COL1A2: variants seen among roughly 807,000 people sequenced by gnomAD.
COL1A2 encodes collagen alpha-2(I) chain.
A neutral mutation model predicts 174.3 loss-of-function variants in COL1A2; 49 were observed. The ratio of observed to expected loss-of-function variants is 0.28; its 90% CI spans 0.22 to 0.36. The LOEUF is 0.36. Among genes scored for constraint, COL1A2 ranks in the 10% least tolerant of loss-of-function variants. The pLI, the probability that COL1A2 is intolerant of heterozygous loss-of-function variation, is 1.00. For missense variants in COL1A2, 1,438 were observed against 1,822.7 expected (o/e 0.79, Z 3.84); for synonymous variants, 655 against 606.6 (o/e 1.08, Z -1.17).
intron 2 of COL1A2, 72 bp from the exon 3 acceptor site, chr7:94,398,310 C>A (rs1442586477): frequency 3.9e-6 from 2 of 513,784 alleles, no homozygotes; most frequent in Non-Finnish European, 6.4e-6. Context: ...TATACTACAC[C>A]AAAATGGAAG....
intron 46 of COL1A2, 70 bp from the exon 47 acceptor site, chr7:94,426,938 G>T (rs1183291740): frequency 2.2e-6 from 3 of 1,363,532 alleles, no homozygotes; most frequent in East Asian, 5.2e-5. Flanking sequence ...CATTCAATTT[G>T]GAAAAAAAAA....
intron 30 of COL1A2, among the ~76,000 whole-genome samples, chr7:94,415,535 A>G (rs1792022504): frequency 6.6e-6 from 1 of 152,220 alleles, no homozygotes; most frequent in South Asian, 2.1e-4. Context: ...ATAGACAACT[A>G]TGCTACATTT....
chr7:94,405,133 A>G, intron 9 of COL1A2, 66 bp from the exon 10 acceptor site: 1 of 1,543,906 alleles, frequency 6.5e-7, no homozygotes, highest in South Asian at 1.1e-5. Flanking sequence ...GTAAAAACCA[A>G]GATTCCCCCA....
chr7:94,401,435 A>G (rs1303953384), intron 5 of COL1A2, 132 bp from the exon 6 acceptor site: 1 of 317,958 alleles, frequency 3.1e-6, no homozygotes, highest in Non-Finnish European at 5.2e-6. Context: ...ACTAATAATT[A>G]TATCAAAAAC....
intron 1 of COL1A2, chr7:94,395,344 C>T: frequency 1.8e-6 from 1 of 568,592 alleles, no homozygotes; most frequent in South Asian, 1.6e-5. Flanking sequence ...ACAGTTAACT[C>T]GGTCTGGCTC....
chr7:94,423,000 A>G lies in COL1A2; in HGVS notation c.2447A>G (p.Glu816Gly). ...GGTCCCCCTGGTCCTGCTGGGAAAG[A>G]AGGGCTTCGTGGTCCTCGTGGTGAC... ...PPGPPGPAGK[E>G]GLRGPRGDQG... Residue 816 changes from glutamate (E) to glycine (G), a missense_variant, in exon 40 of 52, where the codon GAA becomes GGA. By Grantham distance (98) the Glu-to-Gly change is moderately conservative. Coordinates refer to ENST00000297268, the MANE Select transcript of COL1A2 (RefSeq NM_000089.4). 1.2e-6 allele frequency: 2 copies of G among 1,614,104 alleles called. No homozygotes were observed. The highest frequency in any genetic ancestry group is 1.6e-4 in the Middle Eastern group (1 of 6,062).
At chr7:94,401,664 A>C (rs1372628651) in intron 6 of COL1A2, 44 bp downstream of exon 6, 1 of 1,433,826 alleles carries the variant, frequency 7.0e-7, no homozygotes, top group Non-Finnish European at 9.7e-7. Context: ...TGCTAAATAA[A>C]TCATTCATTT....
In COL1A2 at chr7:94,428,266, A is replaced by G. The variant is rs142450668; in HGVS notation, c.3527-27A>G. On this transcript the variant is annotated intron_variant, in intron 49 of 51. Transcript: ENST00000297268. The stretch of plus-strand genomic sequence containing the variant: ...TGTGTTCTGCTCAATGAGAAGTTTC[A>G]TGATCTGAATGTTATTTTCTTAAAA... 2.0e-4 allele frequency: 314 copies of G among 1,563,486 alleles called. 3 individuals carry two copies. In the African/African-American group the frequency reaches 3.6e-3, roughly 18 times the overall value.
At position 94,409,335 on chromosome 7, in the gene COL1A2, C is replaced by A. The variant is rs1791867811; in HGVS notation, c.806C>A (p.Ala269Asp). The change falls in exon 17 of 52, where the codon GCT (alanine) becomes GAT (aspartate). Residue 269 changes from alanine (A) to aspartate (D), a missense_variant. By Grantham distance (126) the Ala-to-Asp change is moderately radical. Around this residue, in one of 3 missense-constraint regions of COL1A2, gnomAD observed 867 missense variants for 1,213.7 expected, o/e 0.71. Coordinates refer to ENST00000297268, the MANE Select transcript of COL1A2 (RefSeq NM_000089.4). Reference sequence around the variant, plus strand: ...TTCCTCTTTTAGGGTGAAATTGGAGCTGTTGGTAACGCTGGTCCTGCTGGT... The same window carrying A: ...TTCCTCTTTTAGGGTGAAATTGGAGATGTTGGTAACGCTGGTCCTGCTGGT... ...GAPGPKGEIGAVGNAGPAGPA... is the reference protein window; with the variant it reads ...GAPGPKGEIGDVGNAGPAGPA... 6.2e-7 allele frequency: 1 copy of A among 1,613,962 alleles called. No individual in the cohort carries two copies. The highest frequency in any genetic ancestry group is 8.5e-7 in the Non-Finnish European group (1 of 1,179,984).
rs11380334 is a variant in COL1A2, at chr7:94,429,108, C to CTTTTTTTTTT, written c.3712-75_3712-66dup. Reference sequence around the variant, plus strand: ...TACTCTTCCTGAGATCTTTTTTTTTCTTTTTTTTTTTTTTCATGTTTGACT... The same window carrying CTTTTTTTTTT: ...TACTCTTCCTGAGATCTTTTTTTTTCTTTTTTTTTTTTTTTTTTTTTTTTCATGTTTGACT... On this transcript the variant is annotated intron_variant, in intron 50 of 51. Transcript: ENST00000297268. 2.4e-4 allele frequency: 196 copies of CTTTTTTTTTT among 816,738 alleles called. 1 individual carries two copies. The highest frequency in any genetic ancestry group is 6.7e-4 in the South Asian group (34 of 50,834). 50.6% of individuals were successfully genotyped at this position (816,738 alleles called of 1,614,324 possible).
At position 94,395,060 on chromosome 7, in the gene COL1A2, T is replaced by C. The variant is rs758795377; in HGVS notation, c.29T>C (p.Leu10Ser). Reference protein sequence around the residue: MLSFVDTRTLLLLAVTLCLA... With the variant: MLSFVDTRTSLLLAVTLCLA... ...CTCAGCTTTGTGGATACGCGGACTT[T>C]GTTGCTGCTTGCAGTAACCTTATGC... The change falls in exon 1 of 52, where the codon TTG becomes TCG. Residue 10 changes from leucine (L) to serine (S), a missense_variant. By Grantham distance (145) the Leu-to-Ser change is moderately radical (BLOSUM62 -2). Transcript: ENST00000297268. 6 of 1,614,124 alleles carry C rather than the reference T, an allele frequency of 3.7e-6. No individual in the cohort carries two copies. In the South Asian group the frequency reaches 6.6e-5, roughly 18 times the overall value.
intron 30 of COL1A2, 45 bp from the exon 31 acceptor site, chr7:94,416,360 G>GAA: frequency 6.8e-7 from 1 of 1,460,826 alleles, no homozygotes; most frequent in African/African-American, 1.4e-5. Context: ...CAGTATCACT[G>GAA]AAAGTGATGA....
Position 94,400,245 on chromosome 7 carries a change from C to T in COL1A2, c.182C>T (p.Pro61Leu). The change falls in exon 5 of 52, where the codon CCT becomes CTT. Residue 61 changes from proline to leucine, a missense_variant. Transcript: ENST00000297268. ...GRDGEDGPTG[P>L]PGPPGPPGPP... ...GATGGTGAAGATGGTCCCACAGGCC[C>T]TCCTGGTCCACCTGGTCCTCCTGGC... 6.2e-7 allele frequency: 1 copy of T among 1,611,962 alleles called. No individual in the cohort carries two copies. The highest frequency in any genetic ancestry group is 8.5e-7 in the Non-Finnish European group (1 of 1,179,738).
Position 94,413,974 on chromosome 7 carries a change from C to T in COL1A2, c.1665+27C>T, listed in dbSNP as rs780048161. 1.9e-6 allele frequency: 3 copies of T among 1,594,010 alleles called. No individual in the cohort carries two copies. The African/African-American group carries it at 4.0e-5, about 21-fold the overall frequency. On this transcript the variant is annotated intron_variant, in intron 28 of 51. Coordinates refer to ENST00000297268, the MANE Select transcript of COL1A2 (RefSeq NM_000089.4). Reference sequence around the variant, plus strand: ...TAAGTCAACTCAAACATATACAATACTGCCTTTGGTCAGCCTATTGAGCTG... The same window carrying T: ...TAAGTCAACTCAAACATATACAATATTGCCTTTGGTCAGCCTATTGAGCTG...
chr7:94,430,457 T>G lies in COL1A2; in HGVS notation c.*64T>G, dbSNP rs1403671942. The G allele has an allele frequency of 8.4e-6, 13 of 1,541,916 alleles. No homozygotes were observed. The highest frequency in any genetic ancestry group is 1.2e-5 in the Non-Finnish European group (13 of 1,124,812). The stretch of plus-strand genomic sequence containing the variant: ...AAAACTTTCTCTTTGCCATTTCTTC[T>G]TCTTCTTTTTTAACTGAAAGCTGAA... On this transcript the variant is annotated 3_prime_UTR_variant, in exon 52 of 52. Transcript: ENST00000297268.
intron 23 of COL1A2, 135 bp downstream of exon 23, chr7:94,411,289 G>T: frequency 5.3e-6 from 4 of 757,770 alleles, no homozygotes; most frequent in Middle Eastern, 3.6e-4. Context: ...TTGCATTTTT[G>T]ACTTTATCAA....
chr7:94,406,180 AT>A, intron 11 of COL1A2, 69 bp from the exon 12 acceptor site: 17 of 1,498,486 alleles, frequency 1.1e-5, no homozygotes, highest in Non-Finnish European at 1.5e-5. Flanking sequence ...TGGCAAAGAT[AT>A]ACAATACAAT....
chr7:94,421,717 T>G (rs750444260), intron 38 of COL1A2, among the ~76,000 whole-genome samples, 182 bp from the exon 39 acceptor site: 1 of 152,210 alleles, frequency 6.6e-6, no homozygotes, highest in African/African-American at 2.4e-5. Flanking sequence ...AAGGAAGATG[T>G]GTGGAGAAGG....
At chr7:94,429,456 A>G (rs1792355618) in intron 51 of COL1A2, 26 bp downstream of exon 51, 2 of 1,612,732 alleles carry the variant, frequency 1.2e-6, no homozygotes, top group African/African-American at 2.7e-5. Context: ...ATATGGGAAT[A>G]GCTTTGGGAA....
Sources: allele counts gnomAD v4.1 joint callset (sites outside exome capture counted in the v4.1 genomes callset), GRCh38; gene constraint gnomAD v4.1.1; regional missense constraint gnomAD v4.1.1; transcripts MANE v1.5; gene names NCBI Gene and HGNC (gene_info 2026-07-23, HGNC 2026-07-21).